Variants in MIB1 observed in about 807,000 individuals in gnomAD.
MIB1 encodes the protein MIB E3 ubiquitin protein ligase 1.
MIB1 carries 278 observed loss-of-function variants against 124.5 expected under a neutral mutation model. The observed-to-expected ratio is 2.23, with a 90% CI of 2.02 to 2.47. MIB1 has a LOEUF of 2.47. MIB1 is among the 30% of genes most tolerant of loss of function. MIB1 has a pLI of 0.00. For missense variants in MIB1, 957 were observed against 1,254.4 expected (o/e 0.76, Z 3.58); for synonymous variants, 446 against 429.4 (o/e 1.04, Z -0.48).
At chr18:21,766,766 G>C (rs969838655) in intron 2 of MIB1, among the ~76,000 whole-genome samples, 1 of 152,034 alleles carries the variant, frequency 6.6e-6, no homozygotes, top group African/African-American at 2.4e-5. Flanking sequence ...AGGCTGGGCG[G>C]GTGGCTCATG....
chr18:21,788,803 GTCTT>G (rs2041468588), intron 6 of MIB1, among the ~76,000 whole-genome samples: 1 of 152,206 alleles, frequency 6.6e-6, no homozygotes, highest in Admixed American at 6.5e-5. Flanking sequence ...AACATCAGTT[GTCTT>G]TCTGTACACT....
chr18:21,775,402 A>G (rs1281502569), intron 4 of MIB1, among the ~76,000 whole-genome samples: 2 of 152,134 alleles, frequency 1.3e-5, no homozygotes, highest in Non-Finnish European at 2.9e-5. Flanking sequence ...ACCATGCCCA[A>G]CTAATATTAA....
intron 9 of MIB1, chr18:21,803,667 T>C (rs532674601): frequency 6.2e-6 from 2 of 324,646 alleles, no homozygotes; most frequent in Non-Finnish European, 1.1e-5. Flanking sequence ...CTTTGCAGAT[T>C]GCCTAACAGT....
chr18:21,826,029 T>G lies in MIB1; in HGVS notation c.1829+6383T>G, dbSNP rs186604985. On this transcript the variant is annotated intron_variant, in intron 12 of 20. Coordinates refer to ENST00000261537, the MANE Select transcript of MIB1 (RefSeq NM_020774.4). Reference sequence around the variant, plus strand: ...ACGTCTTTGTTTTCAACATCTTTGCTTCTTTTTCTTTTTCTAATCTTGTCC... The same window carrying G: ...ACGTCTTTGTTTTCAACATCTTTGCGTCTTTTTCTTTTTCTAATCTTGTCC... 1.2e-4 allele frequency: 29 copies of G among 237,956 alleles called. 1 individual carries two copies. The East Asian group carries it at 4.1e-3, about 34-fold the overall frequency. The allele number at this position is 237,956 out of a possible 1,614,324, so 14.7% of individuals were successfully genotyped here.
At chr18:21,854,857 A>G in intron 18 of MIB1, 1 of 215,846 alleles carries the variant, frequency 4.6e-6, no homozygotes, top group Non-Finnish European at 9.7e-6. Context: ...GGCACACGCC[A>G]CATGCAGACA....
In MIB1 at chr18:21,799,962, A is replaced by T; in HGVS notation, c.1359A>T (p.Arg453Ser). ...DVAKVEDLLK[R>S]PDVDVNGQCA... ...CTAAAGTGGAAGATTTGCTTAAAAGACCAGATGTGGATGTGAGCATTTTAA... is the reference window on the plus strand; with the variant it reads ...CTAAAGTGGAAGATTTGCTTAAAAGTCCAGATGTGGATGTGAGCATTTTAA... The change falls in exon 9 of 21, where the codon AGA (arginine) becomes AGT (serine). Residue 453 changes from arginine (R) to serine (S), a missense_variant. Arg to Ser is a moderately radical substitution (Grantham distance 110). Transcript: ENST00000261537. 6.2e-7 allele frequency: 1 copy of T among 1,611,380 alleles called. No individual in the cohort carries two copies. Among genetic ancestry groups the T allele is most frequent in the Non-Finnish European group, 8.5e-7 (1 of 1,178,192 alleles).
chr18:21,774,740 GT>G (rs1158495021), intron 4 of MIB1, among the ~76,000 whole-genome samples: 3 of 151,728 alleles, frequency 2.0e-5, no homozygotes, highest in African/African-American at 7.3e-5. Flanking sequence ...AACTGTCTAT[GT>G]TCTTGTTAGG....
At chr18:21,786,066 G>C (rs190931583) in intron 6 of MIB1, among the ~76,000 whole-genome samples, 110 of 151,102 alleles carry the variant, frequency 7.3e-4, no homozygotes, top group Middle Eastern at 6.8e-3. Context: ...TTGAGAGTTT[G>C]ATTAGTATAT....
intron 10 of MIB1, among the ~76,000 whole-genome samples, chr18:21,814,499 A>G (rs1387374037): frequency 6.6e-6 from 1 of 151,920 alleles, no homozygotes; most frequent in African/African-American, 2.4e-5. Flanking sequence ...TGGAGAATTT[A>G]TTAAGGCCAG....
chr18:21,827,448 A>G (rs924182532), intron 12 of MIB1: 4 of 152,102 alleles, frequency 2.6e-5, no homozygotes, highest in African/African-American at 7.2e-5. Flanking sequence ...TTGTATACCT[A>G]TAGAATGACC....
Position 21,791,449 on chromosome 18 carries a change from A to T in MIB1, c.984A>T (p.Gly328=). Residue 328 remains glycine, a synonymous_variant, in exon 7 of 21, where the codon GGA becomes GGT. Transcript: ENST00000261537. The stretch of plus-strand genomic sequence containing the variant: ...GAGATGCTGCTCAGGGTGCAGAAGG[A>T]GGCACCTCGCAGTTTCAAGTGGGTG... The part of the protein sequence containing the change: ...RSGDAAQGAE[G]GTSQFQVGDL... 6.2e-7 allele frequency: 1 copy of T among 1,614,070 alleles called. No homozygotes were observed.
Position 21,843,191 on chromosome 18 carries a change from G to T in MIB1, c.2023G>T (p.Glu675Ter). The T allele has an allele frequency of 1.3e-6, 2 of 1,598,224 alleles. No individual in the cohort carries two copies. The highest frequency in any genetic ancestry group is 1.7e-6 in the Non-Finnish European group (2 of 1,173,932). Residue 675 changes from glutamate to a stop codon, truncating the protein, a stop_gained, in exon 14 of 21, where the codon GAA (glutamate) becomes TAA (stop). Transcript: ENST00000261537. LOFTEE classifies it high-confidence loss of function. Reference sequence around the variant, plus strand: ...ACAAACTGCCCTACACCTTGCTGTTGAACGACAGCATACCCAGATTGTTAG... The same window carrying T: ...ACAAACTGCCCTACACCTTGCTGTTTAACGACAGCATACCCAGATTGTTAG... Reference protein sequence around the residue: ...NQQTALHLAVERQHTQIVRLL... With the variant: ...NQQTALHLAV
intron 6 of MIB1, among the ~76,000 whole-genome samples, chr18:21,789,332 G>C (rs1249078563): frequency 6.6e-6 from 1 of 151,600 alleles, no homozygotes; most frequent in Admixed American, 6.6e-5. Flanking sequence ...TCTCTTATAA[G>C]GACACTAAAC....
chr18:21,722,803 C>T (rs952362355), intron 1 of MIB1, among the ~76,000 whole-genome samples: 1 of 152,100 alleles, frequency 6.6e-6, no homozygotes, highest in African/African-American at 2.4e-5. Context: ...AAGGATACCT[C>T]AAAGGTAAAA....
intron 1 of MIB1, among the ~76,000 whole-genome samples, chr18:21,709,609 G>A (rs889732155): frequency 6.6e-6 from 1 of 152,210 alleles, no homozygotes; most frequent in Non-Finnish European, 1.5e-5. Flanking sequence ...CCTCCCAGCT[G>A]TGGAGGTAGG....
intron 1 of MIB1, among the ~76,000 whole-genome samples, chr18:21,719,154 C>T (rs768580004): frequency 6.7e-6 from 1 of 149,532 alleles, no homozygotes; most frequent in Non-Finnish European, 1.5e-5. Flanking sequence ...TGCCATTGCA[C>T]TGCAACCTGG....
At chr18:21,835,791 A>G (rs1394699917) in intron 12 of MIB1, among the ~76,000 whole-genome samples, 1 of 109,026 alleles carries the variant, frequency 9.2e-6, no homozygotes, top group African/African-American at 3.4e-5. Flanking sequence ...AAAAATATAT[A>G]TATATATATC....
At chr18:21,735,223 C>T (rs1248908107) in intron 1 of MIB1, among the ~76,000 whole-genome samples, 1 of 152,170 alleles carries the variant, frequency 6.6e-6, no homozygotes, top group Non-Finnish European at 1.5e-5. Context: ...ACAGTGGGTG[C>T]AGCCCACGGA....
Position 21,741,527 on chromosome 18 carries a change from C to T in MIB1, c.-57C>T, listed in dbSNP as rs1445270972. The stretch of plus-strand genomic sequence containing the variant: ...CGGGCCCAACTCCCTCACGGGCCCC[C>T]CGGCGGCAGCGGCGGCGGCGGCGGC... On this transcript the variant is annotated 5_prime_UTR_variant, in exon 1 of 21. Transcript: ENST00000261537. The surrounding 1 kb of genome is among the most constrained non-coding windows in gnomAD (Gnocchi z 5.4). 5 of 1,272,000 alleles carry T rather than the reference C, an allele frequency of 3.9e-6. No individual in the cohort carries two copies. The South Asian group carries it at 1.0e-4, about 25-fold the overall frequency. 78.8% of individuals were successfully genotyped at this position (1,272,000 alleles called of 1,614,324 possible).
Sources: allele counts gnomAD v4.1 joint callset (sites outside exome capture counted in the v4.1 genomes callset), GRCh38; gene constraint gnomAD v4.1.1; non-coding constraint Gnocchi (gnomAD v3.1); transcripts MANE v1.5; gene names NCBI Gene and HGNC (gene_info 2026-07-23, HGNC 2026-07-21).